TTC6: variants seen among roughly 807,000 people sequenced by gnomAD.
The protein encoded by TTC6 is tetratricopeptide repeat domain 6, also known as tetratricopeptide repeat protein 6.
A neutral mutation model predicts 210.4 loss-of-function variants in TTC6; 172 were observed. The ratio of observed to expected loss-of-function variants is 0.82; its 90% CI spans 0.72 to 0.93. The LOEUF (loss-of-function observed/expected upper bound fraction) is 0.93. TTC6 is among the 40% of genes least tolerant of loss of function. The pLI is 0.00. For missense variants in TTC6, 2,414 were observed against 2,318.1 expected (o/e 1.04, Z -0.85); for synonymous variants, 804 against 819.6 (o/e 0.98, Z 0.32).
intron 14 of TTC6, among the ~76,000 whole-genome samples, chr14:37,782,939 C>T (rs150540441): frequency 0.018 from 2,701 of 152,158 alleles, 40 homozygotes; most frequent in Non-Finnish European, 0.029. Flanking sequence ...TTTATTGATT[C>T]GTGTATGTTG....
chr14:37,682,119 G>A (rs1478925977), intron 2 of TTC6, among the ~76,000 whole-genome samples: 1 of 151,236 alleles, frequency 6.6e-6, no homozygotes, highest in Non-Finnish European at 1.5e-5. Flanking sequence ...ACTTTGATTT[G>A]TAGTGAACAC....
At chr14:37,837,098 A>G (rs573774089) in intron 29 of TTC6, among the ~76,000 whole-genome samples, 10 of 152,316 alleles carry the variant, frequency 6.6e-5, no homozygotes, top group Non-Finnish European at 1.5e-4. Context: ...CTTCTTAGTT[A>G]ATATTCTGAT....
At chr14:37,837,413 A>C (rs771267744) in intron 29 of TTC6, 3 of 455,228 alleles carry the variant, frequency 6.6e-6, no homozygotes, top group South Asian at 3.1e-5. Flanking sequence ...AATCCTCTTC[A>C]AACTCTTCAC....
intron 1 of TTC6, among the ~76,000 whole-genome samples, chr14:37,647,715 C>T (rs1012170702): frequency 3.3e-5 from 5 of 152,002 alleles, no homozygotes; most frequent in Non-Finnish European, 5.9e-5. Flanking sequence ...CATCAGTGAT[C>T]AGATGGTATT....
At chr14:37,761,773 G>C (rs1175524169) in intron 14 of TTC6, among the ~76,000 whole-genome samples, 2 of 151,972 alleles carry the variant, frequency 1.3e-5, no homozygotes, top group South Asian at 2.1e-4. Context: ...TTTATGTCTA[G>C]CTTCTTTCTC....
chr14:37,652,069 A>G (rs1211472751), intron 1 of TTC6, among the ~76,000 whole-genome samples: 1 of 152,178 alleles, frequency 6.6e-6, no homozygotes, highest in Admixed American at 6.5e-5. Flanking sequence ...CTTAATCCAG[A>G]AGGAAATGAA....
chr14:37,620,272 T>C (rs2095649227), upstream of TTC6, among the ~76,000 whole-genome samples: 1 of 152,190 alleles, frequency 6.6e-6, no homozygotes, highest in South Asian at 2.1e-4. Flanking sequence ...TTCTAGTGTC[T>C]GTGTTTTCAG....
At chr14:37,774,596 A>C (rs538147267) in intron 14 of TTC6, among the ~76,000 whole-genome samples, 1 of 152,174 alleles carries the variant, frequency 6.6e-6, no homozygotes, top group Non-Finnish European at 1.5e-5. Context: ...CTACTTGCTC[A>C]TGGTGGATTA....
At chr14:37,605,580 A>G (rs949075191) in intron 1 of TTC6, among the ~76,000 whole-genome samples, 28 of 152,170 alleles carry the variant, frequency 1.8e-4, no homozygotes, top group Admixed American at 1.8e-3. Context: ...TAGTTTTTCT[A>G]AGCATAAACC....
Position 37,735,981 on chromosome 14 carries a change from T to TG in TTC6, c.1879_1880insG (p.Leu627CysfsTer5), listed in dbSNP as rs1379895062. 1 of 1,534,170 alleles carries TG rather than the reference T, an allele frequency of 6.5e-7. No homozygotes were observed. Among genetic ancestry groups the TG allele is most frequent in the African/African-American group, 1.4e-5 (1 of 73,012 alleles). On this transcript the variant is annotated frameshift_variant, in exon 8 of 31. Coordinates refer to ENST00000553443, the Ensembl canonical transcript of TTC6. LOFTEE classifies it high-confidence loss of function. ...GTCATATAAAAGCAGTGTCATTACT[T>TG]TACATCAACATAGCAGAACAAATTT...
At chr14:37,762,161 T>C (rs2095986573) in intron 14 of TTC6, among the ~76,000 whole-genome samples, 1 of 152,226 alleles carries the variant, frequency 6.6e-6, no homozygotes, top group South Asian at 2.1e-4. Flanking sequence ...TCCCTTTTTT[T>C]TTAAGAAAAG....
chr14:37,660,503 G>A (rs911908647), intron 1 of TTC6, among the ~76,000 whole-genome samples: 9 of 151,888 alleles, frequency 5.9e-5, no homozygotes, highest in African/African-American at 1.7e-4. Flanking sequence ...CTATTACTGC[G>A]TTAGTTTGCT....
At chr14:37,727,291 A>ATTTTTTTTTTTTTTTTTTTTTT (rs368293440) in intron 7 of TTC6, among the ~76,000 whole-genome samples, 3 of 92,246 alleles carry the variant, frequency 3.3e-5, no homozygotes, top group Non-Finnish European at 4.4e-5. Context: ...TATTTTTCTA[A>ATTTTTTTTTTTTTTTTTTTTTT]TTTTTTTTTT....
chr14:37,689,009 CA>C (rs2095798809), intron 3 of TTC6, among the ~76,000 whole-genome samples: 1 of 151,952 alleles, frequency 6.6e-6, no homozygotes. Flanking sequence ...GAGATATATT[CA>C]AAATATATAG....
chr14:37,702,766 C>T (rs1309995314), intron 5 of TTC6, among the ~76,000 whole-genome samples: 3 of 152,094 alleles, frequency 2.0e-5, no homozygotes, highest in African/African-American at 7.2e-5. Context: ...TCAAACTTGA[C>T]TTCTAGTAAA....
chr14:37,734,923 A>G (rs1221136169), intron 7 of TTC6, among the ~76,000 whole-genome samples: 3 of 152,192 alleles, frequency 2.0e-5, no homozygotes. Context: ...GCATTCTTTT[A>G]AATATGTAAT....
chr14:37,721,089 A>G (rs2095861005), intron 6 of TTC6, among the ~76,000 whole-genome samples: 1 of 151,742 alleles, frequency 6.6e-6, no homozygotes, highest in South Asian at 2.1e-4. Context: ...GAACAGAAAA[A>G]AAAAAAAGAA....
intron 27 of TTC6, among the ~76,000 whole-genome samples, chr14:37,824,988 A>G (rs2096167338): frequency 6.6e-6 from 1 of 152,134 alleles, no homozygotes; most frequent in Non-Finnish European, 1.5e-5. Context: ...TTTTATGAAG[A>G]TCTCACTGGG....
At chr14:37,691,222 C>G (rs549572060) in intron 3 of TTC6, among the ~76,000 whole-genome samples, 4 of 151,940 alleles carry the variant, frequency 2.6e-5, no homozygotes, top group Non-Finnish European at 4.4e-5. Flanking sequence ...TCCAGCTACT[C>G]GGGAGGCTGA....
Sources: allele counts gnomAD v4.1 joint callset (sites outside exome capture counted in the v4.1 genomes callset), GRCh38; gene constraint gnomAD v4.1.1; transcripts MANE v1.5; gene names NCBI Gene and HGNC (gene_info 2026-07-23, HGNC 2026-07-21).